The following ITGB5 variants were observed in gnomAD, a reference collection of about 807,000 sequenced individuals.
ITGB5 encodes integrin beta-5.
ITGB5 carries 38 observed loss-of-function variants against 84.8 expected under a neutral mutation model. That is an observed-to-expected ratio of 0.45 (90% CI 0.35 to 0.59). ITGB5 has a LOEUF of 0.59. Among genes scored for constraint, ITGB5 ranks in the 20% least tolerant of loss-of-function variants. The pLI, the probability that ITGB5 is intolerant of heterozygous loss-of-function variation, is 0.01. For synonymous variants in ITGB5, 393 were observed against 414.4 expected, an observed-to-expected ratio of 0.95 and a Z score of 0.63; for missense variants, 905 against 1,034.5, an observed-to-expected ratio of 0.87 and a Z score of 1.72.
At chr3:124,805,384 T>G (rs1167575935) in intron 9 of ITGB5, among the ~76,000 whole-genome samples, 1 of 151,964 alleles carries the variant, frequency 6.6e-6, no homozygotes, top group African/African-American at 2.4e-5. Flanking sequence ...CTCAAGCAAT[T>G]AACAAGTCTC....
intron 3 of ITGB5, among the ~76,000 whole-genome samples, chr3:124,856,335 G>A (rs1559971241): frequency 6.6e-6 from 1 of 152,204 alleles, no homozygotes; most frequent in Non-Finnish European, 1.5e-5. Flanking sequence ...TTTGTGTGAT[G>A]CAACTCTTGT....
chr3:124,773,208 C>T (rs563535579), intron 11 of ITGB5, among the ~76,000 whole-genome samples: 1 of 152,252 alleles, frequency 6.6e-6, no homozygotes, highest in East Asian at 1.9e-4. Context: ...TGCCCGGCCT[C>T]TTTCCAATTT....
chr3:124,763,806 G>A, intron 14 of ITGB5, 88 bp from the exon 15 acceptor site: 1 of 753,302 alleles, frequency 1.3e-6, no homozygotes, highest in Non-Finnish European at 2.3e-6. Context: ...TCCCTTCCCA[G>A]GTCAGCCCCC....
Position 124,763,719 on chromosome 3 carries a change from C to T in ITGB5, c.2305-1G>A. The T allele has an allele frequency of 6.4e-7, 1 of 1,573,470 alleles. No individual in the cohort carries two copies. Among genetic ancestry groups the T allele is most frequent in the Non-Finnish European group, 8.7e-7 (1 of 1,143,098 alleles). On this transcript the variant is annotated splice_acceptor_variant, in intron 14 of 14. Coordinates refer to ENST00000296181, the MANE Select transcript of ITGB5 (RefSeq NM_002213.5). LOFTEE classifies it high-confidence loss of function. ...GCTTTCTGTATAATGGATTTGAAGC[C>T]TACAGAACACGGCGGGGAAGAGGAT... is the stretch of plus-strand genomic sequence containing the variant.
In ITGB5 at chr3:124,859,268, T is replaced by C. The variant is rs995594372; in HGVS notation, c.335A>G (p.Gln112Arg). The part of the protein sequence containing the change: ...AGWDVIQMTP[Q>R]EIAVNLRPGD... ...GGGCCGGAGGTTCACGGCAATCTCC[T>C]GTGGTGTCATCTGAATGACGTCCCA... The change falls in exon 3 of 15, where the codon CAG becomes CGG. Residue 112 changes from glutamine (Q) to arginine (R), a missense_variant. Around this residue, in one of 3 missense-constraint regions of ITGB5, gnomAD observed 656 missense variants for 734.7 expected, o/e 0.89. Coordinates refer to ENST00000296181, the MANE Select transcript of ITGB5 (RefSeq NM_002213.5). 1.9e-6 allele frequency: 3 copies of C among 1,613,976 alleles called. No homozygotes were observed. Among genetic ancestry groups the C allele is most frequent in the African/African-American group, 2.7e-5 (2 of 74,906 alleles).
chr3:124,848,797 T>C (rs1276129244), intron 3 of ITGB5, among the ~76,000 whole-genome samples: 3 of 152,148 alleles, frequency 2.0e-5, no homozygotes, highest in Non-Finnish European at 4.4e-5. Flanking sequence ...TTTTATTTTT[T>C]TTGAGACAGT....
At chr3:124,836,654 G>A (rs904006487) in intron 5 of ITGB5, among the ~76,000 whole-genome samples, 1 of 152,040 alleles carries the variant, frequency 6.6e-6, no homozygotes, top group Non-Finnish European at 1.5e-5. Context: ...TTCCACCCCT[G>A]TAAAATGGGA....
intron 5 of ITGB5, among the ~76,000 whole-genome samples, chr3:124,830,651 T>C (rs2064846884): frequency 6.6e-6 from 1 of 152,184 alleles, no homozygotes; most frequent in Non-Finnish European, 1.5e-5. Context: ...CCCACACACA[T>C]ACTCACTGCC....
intron 10 of ITGB5, among the ~76,000 whole-genome samples, chr3:124,793,829 T>C (rs189116322): frequency 3.3e-5 from 5 of 152,308 alleles, no homozygotes; most frequent in South Asian, 2.1e-4. Flanking sequence ...TCCACCTACT[T>C]TACTCTGCAA....
Position 124,796,596 on chromosome 3 carries a change from G to A in ITGB5, c.1485C>T (p.Gly495=). 1.9e-6 allele frequency: 3 copies of A among 1,614,118 alleles called. No homozygotes were observed. The highest frequency in any genetic ancestry group is 2.2e-5 in the East Asian group (1 of 44,880). ...GLCECSPGYL[G]TRCECQDGEN... ...CCCCATCCTGGCACTCGCACCTGGT[G>A]CCCAGGTAGCCGGGGCTGCACTCAC... The change falls in exon 10 of 15, where the codon GGC becomes GGT. Residue 495 remains glycine, a synonymous_variant. Transcript: ENST00000296181.
rs2064235702 is a variant in ITGB5, at chr3:124,796,779, G to C, written c.1302C>G (p.Pro434=). 3 of 1,612,518 alleles carry C rather than the reference G, an allele frequency of 1.9e-6. No homozygotes were observed. The East Asian group carries it at 6.7e-5, about 36-fold the overall frequency. Residue 434 remains proline (P), a synonymous_variant, in exon 10 of 15, where the codon CCC becomes CCG. Coordinates refer to ENST00000296181, the MANE Select transcript of ITGB5 (RefSeq NM_002213.5). The part of the protein sequence containing the change: ...FEVSLEARSC[P]SRHTEHVFAL... ...CAAACACATGCTCCGTGTGTCTGCT[G>C]GGACAGCTTCGGGCCTCCAATGATA...
chr3:124,787,386 G>C lies in ITGB5; in HGVS notation c.1693+9002C>G, dbSNP rs895104734. ...TTCTCAAAATGCTTCCCAACACTCT[G>C]TTTTTTGTCTTTCAAGATCTCAAAG... On this transcript the variant is annotated intron_variant, in intron 10 of 14. Transcript: ENST00000296181. The C allele has an allele frequency of 2.6e-5, 4 of 152,072 alleles. No homozygotes were observed. The South Asian group carries it at 8.3e-4, about 32-fold the overall frequency. The allele number at this position is 152,072 out of a possible 1,614,324, so 9.4% of individuals were successfully genotyped here. A position where few individuals can be genotyped will look rare whatever the true frequency, so the allele number is the denominator to read the frequency against.
intron 9 of ITGB5, among the ~76,000 whole-genome samples, chr3:124,799,759 C>A (rs558706355): frequency 2.6e-5 from 4 of 152,098 alleles, no homozygotes; most frequent in Non-Finnish European, 5.9e-5. Flanking sequence ...ATGAGTGGGG[C>A]CAGGCCTAGA....
chr3:124,845,448 C>G (rs1013200305), intron 4 of ITGB5, among the ~76,000 whole-genome samples: 1 of 152,224 alleles, frequency 6.6e-6, no homozygotes, highest in Non-Finnish European at 1.5e-5. Context: ...GCTGCGTGTG[C>G]CTCCCCAGCT....
rs761012173 is a variant in ITGB5, at chr3:124,819,865, C to T, written c.943-31G>A. 37 of 1,486,286 alleles carry T rather than the reference C, an allele frequency of 2.5e-5. 1 individual carries two copies. The South Asian group carries it at 4.2e-4, about 17-fold the overall frequency. 92.1% of individuals were successfully genotyped at this position (1,486,286 alleles called of 1,614,324 possible). On this transcript the variant is annotated intron_variant, in intron 6 of 14. Transcript: ENST00000296181. ...GCCAAGGCAAAAGTCAAGGCTATGA[C>T]ATTCCTAACAGGTGTAGATACCAGC...
chr3:124,799,473 T>C (rs143481369), intron 9 of ITGB5, among the ~76,000 whole-genome samples: 7,261 of 152,138 alleles, frequency 0.048, 241 homozygotes, highest in South Asian at 0.09. Flanking sequence ...GGTGGGAGGA[T>C]GGCTTGAGCC....
intron 10 of ITGB5, among the ~76,000 whole-genome samples, chr3:124,775,216 G>A (rs532889142): frequency 1.8e-4 from 28 of 152,174 alleles, no homozygotes; most frequent in African/African-American, 6.5e-4. Flanking sequence ...GTGAGAAAGC[G>A]AGTGTGAGTG....
rs1052521550 is a variant in ITGB5 at position 124,873,476 on chromosome 3, G to A, written c.126C>T (p.Ile42=). 2.5e-6 allele frequency: 4 copies of A among 1,613,728 alleles called. No homozygotes were observed. In the African/African-American group the frequency reaches 5.3e-5, roughly 22 times the overall value. Reference sequence around the variant, plus strand: ...TGGAGCACCAGGCACATTTTGGGTGGATTAGCAGACATTCTTCACATGAGG... The same window carrying A: ...TGGAGCACCAGGCACATTTTGGGTGAATTAGCAGACATTCTTCACATGAGG... The part of the protein sequence containing the change: ...SATSCEECLL[I]HPKCAWCSKE... Residue 42 remains isoleucine (I), a synonymous_variant, in exon 2 of 15, where the codon ATC becomes ATT. Transcript: ENST00000296181.
upstream of ITGB5, among the ~76,000 whole-genome samples, chr3:124,889,677 A>G (rs776980175): frequency 1.3e-5 from 2 of 152,202 alleles, no homozygotes; most frequent in Non-Finnish European, 1.5e-5. Context: ...CTCTTAGGTC[A>G]GTGGCCTTGG....
Sources: allele counts gnomAD v4.1 joint callset (sites outside exome capture counted in the v4.1 genomes callset), GRCh38; gene constraint gnomAD v4.1.1; regional missense constraint gnomAD v4.1.1; transcripts MANE v1.5; gene names NCBI Gene and HGNC (gene_info 2026-07-23, HGNC 2026-07-21).